CNBD1: variants seen among roughly 807,000 people sequenced by gnomAD.
CNBD1 encodes the protein cyclic nucleotide-binding domain-containing protein 1.
In CNBD1, 71 loss-of-function variants were observed where a neutral mutation model predicts 54.4. The ratio of observed to expected loss-of-function variants is 1.30; its 90% CI spans 1.08 to 1.59. CNBD1 has a LOEUF of 1.59. Ranked by LOEUF, CNBD1 falls within the 40% of genes most tolerant of loss-of-function variation. The pLI, the probability that CNBD1 is intolerant of heterozygous loss-of-function variation, is 0.00. For missense variants in CNBD1, 659 were observed against 518.0 expected, an observed-to-expected ratio of 1.27 and a Z score of -2.64; for synonymous variants, 182 against 170.7, an observed-to-expected ratio of 1.07 and a Z score of -0.51.
chr8:87,382,895 C>T (rs115661062), downstream of CNBD1: 3,578 of 338,696 alleles, frequency 0.011, 113 homozygotes, highest in African/African-American at 0.066. Context: ...TCAAGTGTTT[C>T]GGTATACATG....
chr8:87,261,074 C>A (rs1808131065), intron 6 of CNBD1, among the ~76,000 whole-genome samples: 1 of 152,110 alleles, frequency 6.6e-6, no homozygotes, highest in Non-Finnish European at 1.5e-5. Flanking sequence ...CCCTTTCTGA[C>A]CCAGTCAGAG....
In CNBD1 at chr8:87,366,535, C is replaced by T. The variant is rs572928161; in HGVS notation, c.1303+12749C>T. 1.8e-4 allele frequency among the ~76,000 whole-genome samples: 27 copies of T among 152,116 alleles called. 1 individual carries two copies. The South Asian group carries it at 5.4e-3, about 30-fold the overall frequency. Reference sequence around the variant, plus strand: ...AACAATTCATGTGATTGGGCTAGGCCCACCCAGATAACCTGCCTATTTTAA... The same window carrying T: ...AACAATTCATGTGATTGGGCTAGGCTCACCCAGATAACCTGCCTATTTTAA... On this transcript the variant is annotated intron_variant, in intron 10 of 10. Coordinates refer to ENST00000518476, the MANE Select transcript of CNBD1 (RefSeq NM_173538.3).
intron 1 of CNBD1, among the ~76,000 whole-genome samples, chr8:86,869,130 C>T (rs886229059): frequency 3.9e-5 from 6 of 152,168 alleles, no homozygotes; most frequent in Non-Finnish European, 8.8e-5. Context: ...CCAGTGAAAT[C>T]AGGTTCAGAG....
chr8:86,958,181 G>A (rs1488707767), intron 4 of CNBD1, among the ~76,000 whole-genome samples: 2 of 152,174 alleles, frequency 1.3e-5, no homozygotes. Flanking sequence ...TGATTGCATT[G>A]TGGTCTGAGA....
At chr8:87,387,690 A>G (rs868180506), downstream of CNBD1, among the ~76,000 whole-genome samples, 9 of 152,324 alleles carry the variant, frequency 5.9e-5, no homozygotes, top group Admixed American at 2.0e-4. Flanking sequence ...AACATTAGAC[A>G]GATCAATGAG....
At chr8:87,102,479 T>A (rs1811448210) in intron 4 of CNBD1, among the ~76,000 whole-genome samples, 1 of 152,226 alleles carries the variant, frequency 6.6e-6, no homozygotes, top group African/African-American at 2.4e-5. Flanking sequence ...GTGGGCAAGA[T>A]TGCAGGTAGC....
At chr8:87,412,810 G>A (rs979708372) in intron 2 of CNBD1, among the ~76,000 whole-genome samples, 1 of 152,004 alleles carries the variant, frequency 6.6e-6, no homozygotes, top group Non-Finnish European at 1.5e-5. Context: ...AGAAAAGAGG[G>A]AGGTAGGTTA....
At chr8:86,965,806 AGAG>A (rs1276441460) in intron 4 of CNBD1, among the ~76,000 whole-genome samples, 2 of 152,176 alleles carry the variant, frequency 1.3e-5, no homozygotes, top group African/African-American at 2.4e-5. Flanking sequence ...CCAACAGCTC[AGAG>A]GAGACCTGCA....
chr8:87,314,624 G>A (rs1809341939), intron 8 of CNBD1, among the ~76,000 whole-genome samples: 1 of 151,790 alleles, frequency 6.6e-6, no homozygotes, highest in Non-Finnish European at 1.5e-5. Flanking sequence ...TTTTTCTCAT[G>A]ATATTATCAG....
intron 4 of CNBD1, among the ~76,000 whole-genome samples, chr8:86,979,953 A>G (rs1242971041): frequency 6.6e-6 from 1 of 152,256 alleles, no homozygotes; most frequent in Non-Finnish European, 1.5e-5. Context: ...TACTTATAAT[A>G]AAGAATTGAG....
At chr8:87,045,159 G>A (rs79005677) in intron 4 of CNBD1, among the ~76,000 whole-genome samples, 3,624 of 152,196 alleles carry the variant, frequency 0.024, 142 homozygotes, top group African/African-American at 0.083. Context: ...GTCCATGTGG[G>A]GTTCCATTTG....
intron 2 of CNBD1, among the ~76,000 whole-genome samples, chr8:87,412,987 A>G (rs768174976): frequency 2.9e-4 from 44 of 152,054 alleles, no homozygotes; most frequent in Non-Finnish European, 5.4e-4. Flanking sequence ...TAAGCTAGTA[A>G]TTGATATCTT....
At chr8:87,061,082 A>G (rs1350629532) in intron 4 of CNBD1, among the ~76,000 whole-genome samples, 3 of 152,196 alleles carry the variant, frequency 2.0e-5, no homozygotes, top group African/African-American at 4.8e-5. Flanking sequence ...CCTTTTCAAA[A>G]TGCCAAGTGC....
chr8:86,986,395 T>G (rs998526325), intron 4 of CNBD1, among the ~76,000 whole-genome samples: 3 of 152,196 alleles, frequency 2.0e-5, no homozygotes, highest in Non-Finnish European at 2.9e-5. Flanking sequence ...TTAAATTCCT[T>G]ATAGATTCTG....
chr8:87,238,580 T>C (rs184981161), intron 6 of CNBD1, among the ~76,000 whole-genome samples: 3 of 152,180 alleles, frequency 2.0e-5, no homozygotes, highest in Admixed American at 2.0e-4. Context: ...AATAAAAAAA[T>C]ACTTGCAGAG....
chr8:86,940,324 G>A (rs551735105), intron 4 of CNBD1, among the ~76,000 whole-genome samples: 14 of 151,778 alleles, frequency 9.2e-5, no homozygotes, highest in Admixed American at 2.0e-4. Context: ...CTGCCACCAC[G>A]CCTGGCTAAT....
chr8:87,378,635 A>G (rs7004053), intron 10 of CNBD1, among the ~76,000 whole-genome samples: 49,697 of 138,878 alleles, frequency 0.36, 9,852 homozygotes, highest in Middle Eastern at 0.43. Flanking sequence ...TTGGCTCTGC[A>G]GGCTCTTTTT....
chr8:87,301,899 A>G (rs28804163), intron 8 of CNBD1, among the ~76,000 whole-genome samples: 1 of 151,938 alleles, frequency 6.6e-6, no homozygotes, highest in Non-Finnish European at 1.5e-5. Context: ...AGAAATGGAT[A>G]AATTCCTCGA....
At chr8:87,025,551 G>A (rs1275771512) in intron 4 of CNBD1, among the ~76,000 whole-genome samples, 2 of 151,568 alleles carry the variant, frequency 1.3e-5, no homozygotes, top group African/African-American at 2.4e-5. Context: ...TGAAATCAGC[G>A]AGACCGCGAA....
Sources: gnomAD v4.1 joint callset for allele counts (sites outside exome capture counted in the v4.1 genomes callset) on GRCh38, gnomAD v4.1.1 for gene constraint, MANE v1.5 for transcripts, NCBI Gene and HGNC (gene_info 2026-07-23, HGNC 2026-07-21) for gene names.